The following FAF1 variants were observed in gnomAD, a reference collection of about 807,000 sequenced individuals.
The protein encoded by FAF1 is Fas associated factor 1, also known as FAS-associated factor 1.
In FAF1, 25 loss-of-function variants were observed where a neutral mutation model predicts 92.5. That is an observed-to-expected ratio of 0.27 (90% CI 0.20 to 0.38). The LOEUF is 0.38. Among genes scored for constraint, FAF1 ranks in the 10% least tolerant of loss-of-function variants. The pLI is 1.00. For synonymous variants in FAF1, 234 were observed against 273.2 expected, an observed-to-expected ratio of 0.86 and a Z score of 1.42; for missense variants, 636 against 793.3, an observed-to-expected ratio of 0.80 and a Z score of 2.38.
At chr1:50,544,939 G>A (rs1031393474) in intron 13 of FAF1, among the ~76,000 whole-genome samples, 1 of 152,094 alleles carries the variant, frequency 6.6e-6, no homozygotes, top group Admixed American at 6.6e-5. Context: ...AGGTAACAAG[G>A]AGGTTACTAT....
intron 8 of FAF1, among the ~76,000 whole-genome samples, chr1:50,638,445 C>CTTTTTTTT (rs35054798): frequency 3.0e-5 from 4 of 131,628 alleles, no homozygotes; most frequent in Non-Finnish European, 4.8e-5. Context: ...TTTTCTTTTT[C>CTTTTTTTT]TTTTTTTTTT....
At chr1:50,864,128 A>C (rs1215496651) in intron 1 of FAF1, among the ~76,000 whole-genome samples, 1 of 150,556 alleles carries the variant, frequency 6.6e-6, no homozygotes, top group African/African-American at 2.4e-5. Context: ...CGGTCTATCA[A>C]TTTTGTTGAT....
rs1231760734 is a variant in FAF1, at chr1:50,452,102, A to C, written c.1870-10579T>G. 2.2e-6 allele frequency: 3 copies of C among 1,347,076 alleles called. No individual in the cohort carries two copies. In the East Asian group the frequency reaches 1.4e-4, roughly 61 times the overall value. The allele number at this position is 1,347,076 out of a possible 1,614,324, so 83.4% of individuals were successfully genotyped here. A position where few individuals can be genotyped will look rare whatever the true frequency, so the allele number is the denominator to read the frequency against. On this transcript the variant is annotated intron_variant, in intron 18 of 18. Transcript: ENST00000396153. ...CGTCTTAGTCTAAAAACAGGAGATG[A>C]TCCAAGTCTTCAGAATGAGAATAAA...
intron 12 of FAF1, among the ~76,000 whole-genome samples, chr1:50,567,738 T>C (rs1203436727): frequency 6.6e-6 from 1 of 152,094 alleles, no homozygotes; most frequent in African/African-American, 2.4e-5. Context: ...TTTCTTTTTG[T>C]TCTATAGATA....
chr1:50,840,893 A>C (rs1644250222), intron 2 of FAF1, among the ~76,000 whole-genome samples: 1 of 152,080 alleles, frequency 6.6e-6, no homozygotes, highest in Non-Finnish European at 1.5e-5. Context: ...ATTATATCCT[A>C]TAATGAAATA....
At position 50,560,601 on chromosome 1, in the gene FAF1, T is replaced by C. The variant is rs1318738332; in HGVS notation, c.1268+6476A>G. 3.9e-5 allele frequency among the ~76,000 whole-genome samples: 6 copies of C among 152,350 alleles called. No individual in the cohort carries two copies. In the East Asian group the frequency reaches 9.6e-4, roughly 24 times the overall value. On this transcript the variant is annotated intron_variant, in intron 13 of 18. Coordinates refer to ENST00000396153, the MANE Select transcript of FAF1 (RefSeq NM_007051.3). Reference sequence around the variant, plus strand: ...GTGCAATGCCTGATTTAACACTTAGTAGCATGTACACTGATGTGCAAAACA... The same window carrying C: ...GTGCAATGCCTGATTTAACACTTAGCAGCATGTACACTGATGTGCAAAACA...
At chr1:50,842,892 T>C (rs925410199) in intron 2 of FAF1, among the ~76,000 whole-genome samples, 2 of 152,194 alleles carry the variant, frequency 1.3e-5, no homozygotes, top group Non-Finnish European at 2.9e-5. Flanking sequence ...GACTCCCATC[T>C]ACTCAAAAAT....
chr1:50,641,069 T>A (rs968160280), intron 8 of FAF1, among the ~76,000 whole-genome samples: 1 of 152,028 alleles, frequency 6.6e-6, no homozygotes, highest in African/African-American at 2.4e-5. Flanking sequence ...CTTGACCTCA[T>A]GATCCACCTG....
At chr1:50,471,694 C>T (rs1646574521) in intron 18 of FAF1, among the ~76,000 whole-genome samples, 1 of 152,138 alleles carries the variant, frequency 6.6e-6, no homozygotes, top group African/African-American at 2.4e-5. Context: ...ATATCAGTGG[C>T]AATACATATG....
chr1:50,605,465 A>T (rs568610365), intron 8 of FAF1, among the ~76,000 whole-genome samples: 1 of 152,340 alleles, frequency 6.6e-6, no homozygotes, highest in East Asian at 1.9e-4. Context: ...TATATAAAAA[A>T]GTACTATCCT....
At chr1:50,611,739 T>G (rs954226430) in intron 8 of FAF1, among the ~76,000 whole-genome samples, 13 of 152,176 alleles carry the variant, frequency 8.5e-5, no homozygotes, top group Non-Finnish European at 1.6e-4. Flanking sequence ...AGATACGTAT[T>G]TTTCACAATG....
At chr1:50,605,457 T>C (rs1652334957) in intron 8 of FAF1, among the ~76,000 whole-genome samples, 1 of 152,184 alleles carries the variant, frequency 6.6e-6, no homozygotes, top group Non-Finnish European at 1.5e-5. Flanking sequence ...ACTTTACCTA[T>C]ATAAAAAAGT....
chr1:50,922,821 A>G (rs1213522918), intron 1 of FAF1, among the ~76,000 whole-genome samples: 3 of 149,000 alleles, frequency 2.0e-5, no homozygotes, highest in African/African-American at 7.5e-5. Flanking sequence ...TCCACCACAA[A>G]AAAAAAAAAA....
rs780832860 is a variant in FAF1 at position 50,788,190 on chromosome 1, C to G, written c.177G>C (p.Glu59Asp). 6.2e-7 allele frequency: 1 copy of G among 1,613,562 alleles called. No homozygotes were observed. Among genetic ancestry groups the G allele is most frequent in the South Asian group, 1.1e-5 (1 of 91,034 alleles). The change falls in exon 4 of 19, where the codon GAG (glutamate) becomes GAC (aspartate). Residue 59 changes from glutamate to aspartate, a missense_variant. Physicochemically the swap from Glu to Asp is conservative, Grantham distance 45 (BLOSUM62 2). Coordinates refer to ENST00000396153, the MANE Select transcript of FAF1 (RefSeq NM_007051.3). ...GATTAAATGCAGGTCCTGGTATGGT[C>G]TCACCTCCATATTCACTAAAATGTT... ...NGILQSEYGG[E>D]TIPGPAFNPA... is the part of the protein sequence containing the mutation.
chr1:50,554,378 T>TAG lies in FAF1; in HGVS notation c.1268+12698_1268+12699insCT, dbSNP rs1459840745. Among the ~76,000 whole-genome samples, 7 of 99,994 alleles carry TAG rather than the reference T, an allele frequency of 7.0e-5. No individual in the cohort carries two copies. In the South Asian group the frequency reaches 8.7e-4, roughly 12 times the overall value. The allele number at this position is 99,994 out of a possible 152,430, so 65.6% of individuals were successfully genotyped here. A position where few individuals can be genotyped will look rare whatever the true frequency, so the allele number is the denominator to read the frequency against. On this transcript the variant is annotated intron_variant, in intron 13 of 18. Transcript: ENST00000396153. ...TAAATGAGGTAAATATATATATATA[T>TAG]ATATATATATATAGAGAGAGAGAGA...
chr1:50,475,545 G>T lies in FAF1; in HGVS notation c.1788C>A (p.Leu596=). ...AAGCTACAAAATCAAAGACAATCTG[G>T]AGCTTGTTGCTGGCCAGGAAACGCC... The part of the protein sequence containing the change: ...LERRFLASNK[L]QIVFDFVASK... Residue 596 remains leucine (L), a synonymous_variant, in exon 18 of 19, where the codon CTC becomes CTA. Transcript: ENST00000396153. 2 of 1,614,136 alleles carry T rather than the reference G, an allele frequency of 1.2e-6. No individual in the cohort carries two copies. The highest frequency in any genetic ancestry group is 1.1e-5 in the South Asian group (1 of 91,082).
chr1:50,959,806 C>T lies in FAF1; in HGVS notation c.6G>A (p.Ala2=). 6.3e-7 allele frequency: 1 copy of T among 1,579,272 alleles called. No homozygotes were observed. Among genetic ancestry groups the T allele is most frequent in the Non-Finnish European group, 8.6e-7 (1 of 1,161,890 alleles). Residue 2 remains alanine (A), a synonymous_variant, in exon 1 of 19, where the codon GCG becomes GCA. Coordinates refer to ENST00000396153, the MANE Select transcript of FAF1 (RefSeq NM_007051.3). M[A]SNMDREMILA... is the part of the protein sequence containing the mutation. ...GGATCATCTCCCGGTCCATGTTGGA[C>T]GCCATGGCGGCCGCCGAGTTCCGCG...
intron 1 of FAF1, among the ~76,000 whole-genome samples, chr1:50,917,612 AAAGGGAAAGGAAAAAGGAAAGG>A (rs1481965765): frequency 7.0e-4 from 104 of 149,330 alleles, no homozygotes; most frequent in African/African-American, 2.5e-3. Flanking sequence ...AAGGAAAGGA[AAAGGGAAAGGAAAAAGGAAAGG>A]AAAGGAAAGG....
At chr1:50,459,013 C>T (rs1646391820) in intron 18 of FAF1, among the ~76,000 whole-genome samples, 1 of 151,604 alleles carries the variant, frequency 6.6e-6, no homozygotes, top group Non-Finnish European at 1.5e-5. Flanking sequence ...GTTCTGTCAC[C>T]CAGGCTGGAG....
Sources: gnomAD v4.1 joint callset for allele counts (sites outside exome capture counted in the v4.1 genomes callset) on GRCh38, gnomAD v4.1.1 for gene constraint, MANE v1.5 for transcripts, NCBI Gene and HGNC (gene_info 2026-07-23, HGNC 2026-07-21) for gene names.